The following PARD3B variants were observed in gnomAD, a reference collection of about 807,000 sequenced individuals.
PARD3B encodes the protein partitioning defective 3 homolog B.
In PARD3B, 103 loss-of-function variants were observed where a neutral mutation model predicts 130.2. The ratio of observed to expected loss-of-function variants is 0.79; its 90% confidence interval spans 0.67 to 0.93. PARD3B has a LOEUF of 0.93. Among genes scored for constraint, PARD3B ranks in the 40% least tolerant of loss-of-function variants. PARD3B has a pLI of 0.00. For synonymous variants in PARD3B, 583 were observed against 553.2 expected, an observed-to-expected ratio of 1.05 and a Z score of -0.76; for missense variants, 1,609 against 1,499.2, an observed-to-expected ratio of 1.07 and a Z score of -1.21.
At chr2:205,114,900 T>C (rs925588094) in intron 6 of PARD3B, among the ~76,000 whole-genome samples, 7 of 152,134 alleles carry the variant, frequency 4.6e-5, no homozygotes, top group African/African-American at 1.7e-4. Flanking sequence ...TTATGGGTTA[T>C]GGCATAGGAC....
Position 205,118,912 on chromosome 2 carries a change from T to C in PARD3B, c.681-9T>C. 1 of 1,549,694 alleles carries C rather than the reference T, an allele frequency of 6.5e-7. No individual in the cohort carries two copies. Among genetic ancestry groups the C allele is most frequent in the Non-Finnish European group, 8.7e-7 (1 of 1,145,890 alleles). On this transcript the variant is annotated splice_polypyrimidine_tract_variant and intron_variant, in intron 6 of 22. Coordinates refer to ENST00000406610, the MANE Select transcript of PARD3B (RefSeq NM_001302769.2). ...AGTAATTATATTTCAATCTAAATTTTGCATTTAGGATTCTAGGACTCTTCA... is the reference window on the plus strand; with the variant it reads ...AGTAATTATATTTCAATCTAAATTTCGCATTTAGGATTCTAGGACTCTTCA...
chr2:205,400,263 A>G (rs2046201462), intron 18 of PARD3B, among the ~76,000 whole-genome samples: 1 of 152,184 alleles, frequency 6.6e-6, no homozygotes, highest in Non-Finnish European at 1.5e-5. Flanking sequence ...CAAATTATGT[A>G]TGCTTAGGCT....
At chr2:204,926,824 A>T (rs1240165337) in intron 2 of PARD3B, among the ~76,000 whole-genome samples, 1 of 152,146 alleles carries the variant, frequency 6.6e-6, no homozygotes, top group Non-Finnish European at 1.5e-5. Flanking sequence ...AGAATGGCAA[A>T]TACAAATACA....
Position 204,673,205 on chromosome 2 carries a change from C to G in PARD3B, c.121-12976C>G, listed in dbSNP as rs1480848813. Among the ~76,000 whole-genome samples, 1 of 152,200 alleles carries G rather than the reference C, an allele frequency of 6.6e-6. No individual in the cohort carries two copies. Among genetic ancestry groups the G allele is most frequent in the Non-Finnish European group, 1.5e-5 (1 of 68,042 alleles). The stretch of plus-strand genomic sequence containing the variant: ...CAGCCAATCCTGCTGTGCTGTACAT[C>G]AGCAGTTTGGAAAAACCATCTGAGA... On this transcript the variant is annotated intron_variant, in intron 1 of 22. Transcript: ENST00000406610. The surrounding 1 kb of genome is among the most constrained non-coding windows in gnomAD (Gnocchi z 4.7).
At chr2:205,240,249 A>G (rs2039293442) in intron 15 of PARD3B, among the ~76,000 whole-genome samples, 1 of 152,168 alleles carries the variant, frequency 6.6e-6, no homozygotes, top group Admixed American at 6.5e-5. Flanking sequence ...CAACTACATC[A>G]ATTTTTTTAA....
intron 11 of PARD3B, among the ~76,000 whole-genome samples, chr2:205,163,437 A>C (rs2034623313): frequency 6.6e-6 from 1 of 152,210 alleles, no homozygotes. Flanking sequence ...TCAGAATATG[A>C]AATAGACATA....
At chr2:204,586,497 G>T (rs571683850) in intron 1 of PARD3B, among the ~76,000 whole-genome samples, 1 of 152,356 alleles carries the variant, frequency 6.6e-6, no homozygotes, top group East Asian at 1.9e-4. Flanking sequence ...CAAGGGAGTT[G>T]TGGAGGCAGG....
At chr2:204,835,380 C>T (rs939448365) in intron 2 of PARD3B, among the ~76,000 whole-genome samples, 1 of 152,138 alleles carries the variant, frequency 6.6e-6, no homozygotes, top group South Asian at 2.1e-4. Context: ...AGCATTTAAC[C>T]TGGACCTTGA....
At chr2:204,548,122 A>G (rs1312427351) in intron 1 of PARD3B, among the ~76,000 whole-genome samples, 1 of 152,146 alleles carries the variant, frequency 6.6e-6, no homozygotes, top group Non-Finnish European at 1.5e-5. Flanking sequence ...TAATATTGTA[A>G]TCATAACAAG....
At position 205,241,332 on chromosome 2, in the gene PARD3B, C is replaced by A. The variant is rs2039342384; in HGVS notation, c.2141-4446C>A. 6.6e-6 allele frequency among the ~76,000 whole-genome samples: 1 copy of A among 152,074 alleles called. No homozygotes were observed. Among genetic ancestry groups the A allele is most frequent in the Non-Finnish European group, 1.5e-5 (1 of 67,998 alleles). ...GAGGTTAGTCTAGAAATCCTATTAT[C>A]TAAATAAATCGGAAGAAAGATCAAG... On this transcript the variant is annotated intron_variant, in intron 15 of 22. Coordinates refer to ENST00000406610, the MANE Select transcript of PARD3B (RefSeq NM_001302769.2). This position sits in a 1 kb window ranked among gnomAD's most constrained non-coding sequence, Gnocchi z 4.2.
chr2:204,777,105 T>A (rs1389344734), intron 2 of PARD3B, among the ~76,000 whole-genome samples: 1 of 152,212 alleles, frequency 6.6e-6, no homozygotes, highest in Non-Finnish European at 1.5e-5. Context: ...ACTTTCAGAT[T>A]GGTGAAGTCT....
intron 2 of PARD3B, among the ~76,000 whole-genome samples, chr2:204,833,202 C>G (rs1278055924): frequency 6.6e-6 from 1 of 152,138 alleles, no homozygotes; most frequent in African/African-American, 2.4e-5. Flanking sequence ...ATCTTGGAGT[C>G]CAAGTATTCA....
At chr2:205,083,186 T>G (rs6731321) in intron 4 of PARD3B, among the ~76,000 whole-genome samples, 63,079 of 151,914 alleles carry the variant, frequency 0.42, 13,494 homozygotes, top group East Asian at 0.56. Flanking sequence ...CGCAAAGTGC[T>G]GGGATTACAA....
At chr2:204,632,256 T>C (rs1175433156) in intron 1 of PARD3B, among the ~76,000 whole-genome samples, 1 of 152,140 alleles carries the variant, frequency 6.6e-6, no homozygotes, top group Non-Finnish European at 1.5e-5. Flanking sequence ...GATTGTAAGT[T>C]TCCTAAGGCC....
chr2:205,221,628 A>G (rs191276212), intron 15 of PARD3B, among the ~76,000 whole-genome samples: 2 of 152,232 alleles, frequency 1.3e-5, no homozygotes, highest in Admixed American at 1.3e-4. Context: ...GCATATTTCA[A>G]TCACGAGGCC....
At chr2:204,924,366 T>C (rs985712675) in intron 2 of PARD3B, among the ~76,000 whole-genome samples, 1 of 152,094 alleles carries the variant, frequency 6.6e-6, no homozygotes, top group Non-Finnish European at 1.5e-5. Flanking sequence ...GGTAGCTGCT[T>C]GTAGCTTAAT....
chr2:204,731,874 T>G (rs2039523640), intron 2 of PARD3B, among the ~76,000 whole-genome samples: 1 of 152,154 alleles, frequency 6.6e-6, no homozygotes, highest in Admixed American at 6.5e-5. Context: ...TCTACTAATT[T>G]CTTAGCTCTG....
At chr2:205,173,581 C>G (rs1022047029) in intron 12 of PARD3B, among the ~76,000 whole-genome samples, 9 of 152,148 alleles carry the variant, frequency 5.9e-5, no homozygotes, top group African/African-American at 2.2e-4. Context: ...TATACTCTAT[C>G]TTACTTTATT....
At chr2:205,279,585 T>G (rs1214709904) in intron 16 of PARD3B, among the ~76,000 whole-genome samples, 1 of 152,198 alleles carries the variant, frequency 6.6e-6, no homozygotes, top group African/African-American at 2.4e-5. Flanking sequence ...ATCACTGCTT[T>G]TATTTATGAA....
Sources: gnomAD v4.1 joint callset for allele counts (sites outside exome capture counted in the v4.1 genomes callset) on GRCh38, gnomAD v4.1.1 for gene constraint, Gnocchi (gnomAD v3.1) non-coding constraint, MANE v1.5 for transcripts, NCBI Gene and HGNC (gene_info 2026-07-23, HGNC 2026-07-21) for gene names.